The following DOCK11 variants were observed in gnomAD, a reference collection of about 807,000 sequenced individuals.
DOCK11 encodes dedicator of cytokinesis protein 11.
In DOCK11, 70 loss-of-function variants were observed where a neutral mutation model predicts 169.1. The observed-to-expected ratio is 0.41, with a 90% CI of 0.34 to 0.51. The LOEUF is 0.51. DOCK11 is among the 20% of genes least tolerant of loss of function. The pLI is 0.10. For synonymous variants in DOCK11, 529 were observed against 541.3 expected, an observed-to-expected ratio of 0.98 and a Z score of 0.32; for missense variants, 1,166 against 1,538.8, an observed-to-expected ratio of 0.76 and a Z score of 4.05.
At chrX:118,601,421 CAAAAA>C (rs199813534) in intron 23 of DOCK11, among the ~76,000 whole-genome samples, 1 of 54,020 alleles carries the variant, frequency 1.9e-5, no homozygotes, top group Non-Finnish European at 3.6e-5. Context: ...GACCCTGTCT[CAAAAA>C]AAAAAAAAAA....
At chrX:118,589,102 C>T (rs900670921) in intron 18 of DOCK11, among the ~76,000 whole-genome samples, 1 of 112,277 alleles carries the variant, frequency 8.9e-6, no homozygotes, top group Non-Finnish European at 1.9e-5. Context: ...ATTTCTCTTG[C>T]ATCAGCCTAA....
intron 39 of DOCK11, among the ~76,000 whole-genome samples, chrX:118,643,001 C>A (rs1294455764): frequency 9.0e-6 from 1 of 111,622 alleles, no homozygotes; most frequent in East Asian, 2.8e-4. Flanking sequence ...AAATGGCTAA[C>A]CATATACTAA....
intron 28 of DOCK11, among the ~76,000 whole-genome samples, chrX:118,614,406 G>A (rs186412320): frequency 2.5e-4 from 28 of 111,106 alleles, no homozygotes; most frequent in African/African-American, 8.8e-4. Flanking sequence ...GTCTGTGTAT[G>A]TATGTGTGTG....
At chrX:118,635,944 G>A (rs1300890687) in intron 35 of DOCK11, among the ~76,000 whole-genome samples, 1 of 111,176 alleles carries the variant, frequency 9.0e-6, no homozygotes, top group African/African-American at 3.3e-5. Flanking sequence ...AGCAGGCAAC[G>A]GCATTTGACC....
chrX:118,588,125 T>TC lies in DOCK11; in HGVS notation c.1796-9dup. 6.1e-6 allele frequency: 7 copies of TC among 1,139,416 alleles called. No homozygotes were observed. Among genetic ancestry groups the TC allele is most frequent in the Non-Finnish European group, 8.1e-6 (7 of 861,986 alleles). 93.9% of individuals were successfully genotyped at this position (1,139,416 alleles called of 1,213,427 possible). On this transcript the variant is annotated splice_polypyrimidine_tract_variant and intron_variant, in intron 16 of 52. Transcript: ENST00000276202. ...ACTGAATGATCTTTGCCTGTTTTTT[T>TC]CCCTGCTATAGATTGTATTACTTCT...
chrX:118,527,288 C>T (rs1032440282), intron 1 of DOCK11, among the ~76,000 whole-genome samples: 9 of 112,257 alleles, frequency 8.0e-5, no homozygotes, highest in African/African-American at 2.6e-4. Context: ...AGTCATTTTA[C>T]GTGAAAAGAT....
At chrX:118,582,174 T>C (rs2013670023) in intron 14 of DOCK11, among the ~76,000 whole-genome samples, 2 of 112,147 alleles carry the variant, frequency 1.8e-5, no homozygotes, top group African/African-American at 6.5e-5. Flanking sequence ...AAGGCACTTA[T>C]CTACGTGCTT....
intron 1 of DOCK11, 148 bp downstream of exon 1, chrX:118,496,221 G>A (rs1032939787): frequency 2.0e-5 from 7 of 352,674 alleles, no homozygotes; most frequent in East Asian, 6.8e-5. Context: ...GGCAGCCGCC[G>A]GCCGGGGTCC....
chrX:118,530,150 C>G (rs142545072), intron 1 of DOCK11, among the ~76,000 whole-genome samples: 38 of 112,881 alleles, frequency 3.4e-4, no homozygotes, highest in African/African-American at 1.2e-3. Context: ...TGGTTAATCT[C>G]TGTCACACAA....
intron 20 of DOCK11, among the ~76,000 whole-genome samples, chrX:118,595,119 A>G (rs893599347): frequency 1.3e-4 from 14 of 111,299 alleles, no homozygotes; most frequent in Admixed American, 1.2e-3. Flanking sequence ...AGGAAAACCA[A>G]CCAGGCAGCA....
At position 118,685,883 on chromosome X, in the gene DOCK11, AAG is replaced by A; in HGVS notation, c.*78_*79del. ...GGAGCTGTGCAAATGTTAAAATTTAAAGATTTGATATACATGGAGTGTTTCTT... is the reference window on the plus strand; with the variant it reads ...GGAGCTGTGCAAATGTTAAAATTTAAATTTGATATACATGGAGTGTTTCTT... On this transcript the variant is annotated 3_prime_UTR_variant, in exon 53 of 53. Coordinates refer to ENST00000276202, the MANE Select transcript of DOCK11 (RefSeq NM_144658.4). 3.5e-6 allele frequency: 4 copies of A among 1,134,790 alleles called. No individual in the cohort carries two copies. The highest frequency in any genetic ancestry group is 3.5e-6 in the Non-Finnish European group (3 of 847,350). The allele number at this position is 1,134,790 out of a possible 1,213,427, so 93.5% of individuals were successfully genotyped here.
intron 6 of DOCK11, among the ~76,000 whole-genome samples, chrX:118,559,956 T>C (rs1340558860): frequency 1.8e-5 from 2 of 110,615 alleles, no homozygotes; most frequent in Admixed American, 9.7e-5. Context: ...TACAATAACA[T>C]TTAATTGACT....
chrX:118,602,619 C>A (rs2014376660), intron 23 of DOCK11, among the ~76,000 whole-genome samples: 1 of 110,147 alleles, frequency 9.1e-6, no homozygotes, highest in Admixed American at 9.6e-5. Context: ...CAGCTCACTG[C>A]AACCTCTGCC....
intron 13 of DOCK11, 49 bp downstream of exon 13, chrX:118,578,696 G>C: frequency 8.9e-7 from 1 of 1,121,181 alleles, no homozygotes; most frequent in Non-Finnish European, 1.2e-6. Flanking sequence ...CGTAGAATTT[G>C]CCTTTTACTG....
At chrX:118,678,959 T>G (rs752417411) in intron 48 of DOCK11, among the ~76,000 whole-genome samples, 30 of 109,647 alleles carry the variant, frequency 2.7e-4, no homozygotes, top group African/African-American at 7.3e-4. Context: ...TGTGGGGTTT[T>G]TGTGTGTGTG....
At chrX:118,616,547 T>C (rs1237122843) in intron 30 of DOCK11, among the ~76,000 whole-genome samples, 1 of 110,837 alleles carries the variant, frequency 9.0e-6, no homozygotes, top group East Asian at 2.8e-4. Flanking sequence ...TGTTTTTGTT[T>C]TTGTTTTTTT....
chrX:118,543,539 A>G lies in DOCK11; in HGVS notation c.338A>G (p.His113Arg). 1 of 1,209,326 alleles carries G rather than the reference A, an allele frequency of 8.3e-7. No individual in the cohort carries two copies. Among genetic ancestry groups the G allele is most frequent in the Non-Finnish European group, 1.1e-6 (1 of 892,997 alleles). ...ECIKTYSTDW[H>R]VVNYKYEDFS... ...ATTAAAACCTATAGCACAGATTGGC[A>G]CGTGGTAAACTACAAGTATGAGGAC... Residue 113 changes from histidine (H) to arginine (R), a missense_variant, in exon 4 of 53, where the codon CAC becomes CGC. His to Arg is a conservative substitution (Grantham distance 29). Coordinates refer to ENST00000276202, the MANE Select transcript of DOCK11 (RefSeq NM_144658.4).
At chrX:118,589,844 G>C (rs917031390) in intron 18 of DOCK11, among the ~76,000 whole-genome samples, 3 of 112,576 alleles carry the variant, frequency 2.7e-5, no homozygotes, top group Non-Finnish European at 5.6e-5. Flanking sequence ...ACTGGTTGAG[G>C]GGGAGCCTCT....
chrX:118,660,343 T>C (rs1041849578), intron 44 of DOCK11, among the ~76,000 whole-genome samples: 5 of 112,229 alleles, frequency 4.5e-5, no homozygotes, highest in Admixed American at 3.8e-4. Flanking sequence ...CTGGTGAAAG[T>C]TCCTTATCTT....
Sources: gnomAD v4.1 joint callset for allele counts (sites outside exome capture counted in the v4.1 genomes callset) on GRCh38, gnomAD v4.1.1 for gene constraint, MANE v1.5 for transcripts, NCBI Gene and HGNC (gene_info 2026-07-23, HGNC 2026-07-21) for gene names.